Variants in DDHD1 observed in about 807,000 individuals in gnomAD.
The protein encoded by DDHD1 is DDHD domain containing 1.
DDHD1 carries 49 observed loss-of-function variants against 96.4 expected under a neutral mutation model. The observed-to-expected ratio is 0.51, with a 90% CI of 0.40 to 0.64. DDHD1 has a LOEUF of 0.64. DDHD1 is among the 30% of genes least tolerant of loss of function. The pLI, the probability that DDHD1 is intolerant of heterozygous loss-of-function variation, is 0.00. For synonymous variants in DDHD1, 442 were observed against 446.5 expected, an observed-to-expected ratio of 0.99 and a Z score of 0.13; for missense variants, 1,106 against 1,161.2, an observed-to-expected ratio of 0.95 and a Z score of 0.69.
In DDHD1 at chr14:53,124,107, C is replaced by T. The variant is rs59524264; in HGVS notation, c.839-20251G>A. Among the ~76,000 whole-genome samples, 1,466 of 151,730 alleles carry T rather than the reference C, an allele frequency of 9.7e-3. 24 individuals carry two copies. Among genetic ancestry groups the T allele is most frequent in the African/African-American group, 0.034 (1,399 of 41,332 alleles). ...AAAATTAGCCGGGCATGGTGGCAGG[C>T]GGCTTTAATTCCAGCTACTCAGGAG... On this transcript the variant is annotated intron_variant, in intron 1 of 12. Transcript: ENST00000673822.
intron 6 of DDHD1, 27 bp from the exon 7 acceptor site, chr14:53,063,232 T>C (rs1225542589): frequency 1.2e-6 from 2 of 1,603,852 alleles, no homozygotes; most frequent in Non-Finnish European, 1.7e-6. Flanking sequence ...AACATTATCA[T>C]ATTAGACTTG....
chr14:53,112,212 C>T (rs1437323893), intron 1 of DDHD1, among the ~76,000 whole-genome samples: 3 of 151,994 alleles, frequency 2.0e-5, no homozygotes, highest in Non-Finnish European at 2.9e-5. Flanking sequence ...GTCAAGAGAT[C>T]GAGAACATCC....
At chr14:53,082,302 C>T (rs1885533899) in intron 4 of DDHD1, among the ~76,000 whole-genome samples, 1 of 151,900 alleles carries the variant, frequency 6.6e-6, no homozygotes, top group East Asian at 1.9e-4. Flanking sequence ...AGCTGTAAAA[C>T]ATAAGTCTTC....
chr14:53,130,515 G>A (rs960650123), intron 1 of DDHD1, among the ~76,000 whole-genome samples: 4 of 151,972 alleles, frequency 2.6e-5, no homozygotes, highest in Admixed American at 2.6e-4. Context: ...AATTAACCTC[G>A]CCTTCAAAGT....
chr14:53,051,342 T>A (rs1344245633), intron 12 of DDHD1, among the ~76,000 whole-genome samples: 1 of 151,968 alleles, frequency 6.6e-6, no homozygotes, highest in African/African-American at 2.4e-5. Flanking sequence ...CATCCAAGAA[T>A]ACTGTTTTTA....
At chr14:53,100,221 T>C (rs528249104) in intron 2 of DDHD1, among the ~76,000 whole-genome samples, 1 of 152,092 alleles carries the variant, frequency 6.6e-6, no homozygotes, top group African/African-American at 2.4e-5. Context: ...ACACCTGTAA[T>C]CCTGGCACTT....
Position 53,152,573 on chromosome 14 carries a change from T to C in DDHD1, c.526A>G (p.Lys176Glu), listed in dbSNP as rs757395015. 6.2e-7 allele frequency: 1 copy of C among 1,613,946 alleles called. No individual in the cohort carries two copies. The highest frequency in any genetic ancestry group is 1.7e-5 in the Admixed American group (1 of 60,030). Residue 176 changes from lysine (K) to glutamate (E), a missense_variant, in exon 1 of 13, where the codon AAG (lysine) becomes GAG (glutamate). This residue lies in a region of DDHD1 where 456 missense variants were observed against 402.4 expected (regional missense o/e 1.13). Coordinates refer to ENST00000673822, the MANE Select transcript of DDHD1 (RefSeq NM_001160148.2). ...CCGATGAAGGGCTTCCAGGTCTTCT[T>C]GTCCTCCTTGTAGAACCAGCGTACC... ...EEVRWFYKED[K>E]KTWKPFIGYD...
At chr14:53,110,797 G>A (rs570535156) in intron 1 of DDHD1, among the ~76,000 whole-genome samples, 1 of 152,098 alleles carries the variant, frequency 6.6e-6, no homozygotes, top group South Asian at 2.1e-4. Context: ...CCAACATGGT[G>A]AAACCCTGTC....
chr14:53,140,064 C>T (rs913505456), intron 1 of DDHD1, among the ~76,000 whole-genome samples: 30 of 151,628 alleles, frequency 2.0e-4, no homozygotes, highest in African/African-American at 7.0e-4. Flanking sequence ...TAAAGAATAC[C>T]TTTGATCAAC....
chr14:53,080,984 T>C (rs991895151), intron 4 of DDHD1, among the ~76,000 whole-genome samples: 4 of 152,210 alleles, frequency 2.6e-5, no homozygotes, highest in African/African-American at 4.8e-5. Context: ...TATGCAAATC[T>C]AGTTATCCCA....
At chr14:53,113,870 G>A (rs572945311) in intron 1 of DDHD1, among the ~76,000 whole-genome samples, 22 of 152,272 alleles carry the variant, frequency 1.4e-4, no homozygotes, top group African/African-American at 5.1e-4. Flanking sequence ...GAACCCCAGT[G>A]AGACTTCACT....
chr14:53,077,995 T>C (rs539825671), intron 4 of DDHD1, among the ~76,000 whole-genome samples: 10 of 152,328 alleles, frequency 6.6e-5, no homozygotes, highest in African/African-American at 1.9e-4. Context: ...TATTTCATTA[T>C]ATGGATACGC....
intron 1 of DDHD1, among the ~76,000 whole-genome samples, chr14:53,116,374 C>T (rs1188140838): frequency 6.6e-6 from 1 of 152,148 alleles, no homozygotes; most frequent in Non-Finnish European, 1.5e-5. Context: ...ACCAAGATGA[C>T]CTAATAGACA....
chr14:53,109,060 A>G (rs1047641192), intron 1 of DDHD1, among the ~76,000 whole-genome samples: 9 of 152,282 alleles, frequency 5.9e-5, no homozygotes, highest in African/African-American at 2.2e-4. Context: ...ATTAGTAAAG[A>G]GGAGCGCCTA....
intron 4 of DDHD1, among the ~76,000 whole-genome samples, chr14:53,075,890 C>G (rs1595128680): frequency 6.6e-6 from 1 of 152,208 alleles, no homozygotes; most frequent in South Asian, 2.1e-4. Flanking sequence ...TTTTTTACAG[C>G]ATGGCTTACA....
intron 4 of DDHD1, among the ~76,000 whole-genome samples, chr14:53,078,760 G>A (rs1174642088): frequency 1.3e-5 from 2 of 152,200 alleles, no homozygotes; most frequent in Non-Finnish European, 2.9e-5. Context: ...AGTGGTGAGA[G>A]TGGATATCCT....
At chr14:53,054,950 G>A (rs1241814812) in intron 10 of DDHD1, among the ~76,000 whole-genome samples, 1 of 152,116 alleles carries the variant, frequency 6.6e-6, no homozygotes, top group Non-Finnish European at 1.5e-5. Context: ...CCATGCCATT[G>A]ACATGAGTAT....
intron 1 of DDHD1, among the ~76,000 whole-genome samples, chr14:53,134,954 CAGTTT>C (rs987765509): frequency 1.2e-4 from 18 of 152,182 alleles, no homozygotes; most frequent in Admixed American, 7.2e-4. Context: ...AAGCTTTCTT[CAGTTT>C]AATCTCTCCC....
At chr14:53,151,674 A>G (rs1891383887) in intron 1 of DDHD1, among the ~76,000 whole-genome samples, 2 of 152,220 alleles carry the variant, frequency 1.3e-5, no homozygotes, top group South Asian at 4.1e-4. Context: ...GACCTAAGAG[A>G]CAGAATCCAG....
Sources: allele counts gnomAD v4.1 joint callset (sites outside exome capture counted in the v4.1 genomes callset), GRCh38; gene constraint gnomAD v4.1.1; regional missense constraint gnomAD v4.1.1; transcripts MANE v1.5; gene names NCBI Gene and HGNC (gene_info 2026-07-23, HGNC 2026-07-21).